Variants in SKP2 observed in about 807,000 individuals in gnomAD.
SKP2 encodes S-phase kinase associated protein 2, also known as S-phase kinase-associated protein 2.
A neutral mutation model predicts 51.8 loss-of-function variants in SKP2; 16 were observed. That is an observed-to-expected ratio of 0.31 (90% CI 0.21 to 0.47). SKP2 has a LOEUF of 0.47. Among genes scored for constraint, SKP2 ranks in the 20% least tolerant of loss-of-function variants. The pLI is 1.00. For missense variants in SKP2, 377 were observed against 505.3 expected, an observed-to-expected ratio of 0.75 and a Z score of 2.43; for synonymous variants, 176 against 198.6, an observed-to-expected ratio of 0.89 and a Z score of 0.96.
In SKP2 at chr5:36,183,008, A is replaced by G; in HGVS notation, c.*977A>G. 3.2e-6 allele frequency: 3 copies of G among 948,608 alleles called. No homozygotes were observed. The highest frequency in any genetic ancestry group is 3.8e-6 in the Non-Finnish European group (3 of 797,318). The allele number at this position is 948,608 out of a possible 1,614,324, so 58.8% of individuals were successfully genotyped here. On this transcript the variant is annotated 3_prime_UTR_variant, in exon 10 of 10. Transcript: ENST00000274255. ...ATTTTAAATTGTATTTTTTTTTTAA[A>G]TGATCTCTCAGCAATAATTGTTTGA...
At chr5:36,157,340 A>G (rs1744983028) in intron 2 of SKP2, among the ~76,000 whole-genome samples, 1 of 152,084 alleles carries the variant, frequency 6.6e-6, no homozygotes, top group Admixed American at 6.6e-5. Context: ...TTGTTTCTTC[A>G]TTACACCCCC....
chr5:36,173,902 A>G (rs1745551718), intron 7 of SKP2, among the ~76,000 whole-genome samples: 1 of 152,226 alleles, frequency 6.6e-6, no homozygotes, highest in African/African-American at 2.4e-5. Context: ...CCACTCTGCC[A>G]TTTACTGGGT....
chr5:36,186,790 A>G (rs568355616), downstream of SKP2, among the ~76,000 whole-genome samples: 47 of 151,930 alleles, frequency 3.1e-4, no homozygotes, highest in Non-Finnish European at 6.0e-4. Flanking sequence ...CTCTTTTTCT[A>G]TTGATTGGAA....
Position 36,178,441 on chromosome 5 carries a change from A to G in SKP2, c.1061+1149A>G, listed in dbSNP as rs1284928118. On this transcript the variant is annotated intron_variant, in intron 9 of 9. Coordinates refer to ENST00000274255, the MANE Select transcript of SKP2 (RefSeq NM_005983.4). ...ACGCATTTTAATTAATCATTTTTAAATTAATCTTGGGGTTCAGGGTCTGAG... is the reference window on the plus strand; with the variant it reads ...ACGCATTTTAATTAATCATTTTTAAGTTAATCTTGGGGTTCAGGGTCTGAG... Among the ~76,000 whole-genome samples the G allele has an allele frequency of 3.3e-5, 5 of 152,288 alleles. No individual in the cohort carries two copies. In the East Asian group the frequency reaches 9.6e-4, roughly 29 times the overall value.
intron 8 of SKP2, 23 bp from the exon 9 acceptor site, chr5:36,177,162 C>T (rs771425742): frequency 2.0e-6 from 3 of 1,509,612 alleles, no homozygotes; most frequent in Non-Finnish European, 2.8e-6. Flanking sequence ...TTTTCAATAT[C>T]TTTTCTTCTG....
Position 36,176,971 on chromosome 5 carries a change from C to A in SKP2, c.908C>A (p.Ser303Tyr). 1 of 1,593,096 alleles carries A rather than the reference C, an allele frequency of 6.3e-7. No individual in the cohort carries two copies. Residue 303 changes from serine (S) to tyrosine (Y), a missense_variant, in exon 8 of 10, where the codon TCT (serine) becomes TAT (tyrosine). Transcript: ENST00000274255. ...YRKNLQKSDL[S>Y]TLVRRCPNLV... is the part of the protein sequence containing the mutation. ...GTTTTTTTGCTTTTCCTAGATCTCT[C>A]TACTTTAGTTAGAAGATGCCCCAAT...
intron 6 of SKP2, among the ~76,000 whole-genome samples, chr5:36,190,249 C>T (rs368184919): frequency 6.6e-4 from 101 of 152,100 alleles, no homozygotes; most frequent in African/African-American, 2.3e-3. Flanking sequence ...TCCGACACCC[C>T]CAGTGAGACG....
At chr5:36,184,507 T>C (rs2112020760), downstream of SKP2, among the ~76,000 whole-genome samples, 2 of 152,178 alleles carry the variant, frequency 1.3e-5, no homozygotes, top group Non-Finnish European at 2.9e-5. Flanking sequence ...TGAGAACATG[T>C]GGTGTTTGGT....
Position 36,160,831 on chromosome 5 carries a change from G to A in SKP2, c.281-2814G>A, listed in dbSNP as rs566253233. Among the ~76,000 whole-genome samples, 19 of 152,274 alleles carry A rather than the reference G, an allele frequency of 1.2e-4. No individual in the cohort carries two copies. The South Asian group carries it at 1.5e-3, about 12-fold the overall frequency. On this transcript the variant is annotated intron_variant, in intron 2 of 9. Coordinates refer to ENST00000274255, the MANE Select transcript of SKP2 (RefSeq NM_005983.4). Reference sequence around the variant, plus strand: ...GCAGTGATGGAACAGCTGCCACGTCGAGGAGCCTCCTCACAACCTCCAGCT... The same window carrying A: ...GCAGTGATGGAACAGCTGCCACGTCAAGGAGCCTCCTCACAACCTCCAGCT...
At chr5:36,192,151 T>C (rs1282142600) in intron 6 of SKP2, among the ~76,000 whole-genome samples, 2 of 152,216 alleles carry the variant, frequency 1.3e-5, no homozygotes, top group African/African-American at 2.4e-5. Context: ...AAACTCTTCA[T>C]ACCTTAATGT....
At chr5:36,179,435 TGG>T (rs550519153) in intron 9 of SKP2, among the ~76,000 whole-genome samples, 9 of 152,300 alleles carry the variant, frequency 5.9e-5, no homozygotes, top group African/African-American at 2.2e-4. Context: ...TTAAAATACT[TGG>T]GAAACTATAA....
chr5:36,175,625 T>C (rs1385506321), intron 7 of SKP2, among the ~76,000 whole-genome samples: 1 of 151,942 alleles, frequency 6.6e-6, no homozygotes, highest in Admixed American at 6.6e-5. Flanking sequence ...CTTTTTTTTT[T>C]CTTCTCTCTT....
Position 36,183,506 on chromosome 5 carries a change from A to G in SKP2, c.*1475A>G. ...ATGGTCTCAATCTCCTGACCTCATG[A>G]TCCGCCCGTCTTGGCCTCCCAAAGT... On this transcript the variant is annotated 3_prime_UTR_variant, in exon 10 of 10. Transcript: ENST00000274255. The G allele has an allele frequency of 1.7e-6, 1 of 594,710 alleles. No homozygotes were observed. The highest frequency in any genetic ancestry group is 2.1e-6 in the Non-Finnish European group (1 of 471,958). The allele number at this position is 594,710 out of a possible 1,614,324, so 36.8% of individuals were successfully genotyped here. A position where few individuals can be genotyped will look rare whatever the true frequency, so the allele number is the denominator to read the frequency against.
rs367736268 is a variant in SKP2, at chr5:36,168,433, G to A, written c.657G>A (p.Ser219=). ...TAAGCCTGGAAGGCCTGCGGCTTTCGGATCCCATTGTCAAGTGAGTGGCAG... is the reference window on the plus strand; with the variant it reads ...TAAGCCTGGAAGGCCTGCGGCTTTCAGATCCCATTGTCAAGTGAGTGGCAG... ...QNLSLEGLRL[S]DPIVNTLAKN... The change falls in exon 5 of 10, where the codon TCG becomes TCA. Residue 219 remains serine, a synonymous_variant. Coordinates refer to ENST00000274255, the MANE Select transcript of SKP2 (RefSeq NM_005983.4). The A allele has an allele frequency of 2.4e-5, 39 of 1,614,172 alleles. No individual in the cohort carries two copies. Among genetic ancestry groups the A allele is most frequent in the South Asian group, 4.4e-5 (4 of 91,084 alleles).
intron 2 of SKP2, among the ~76,000 whole-genome samples, chr5:36,162,714 G>A (rs1036351658): frequency 6.6e-6 from 1 of 152,138 alleles, no homozygotes; most frequent in African/African-American, 2.4e-5. Context: ...GGTAAACTGT[G>A]CCTTTTGTAA....
At chr5:36,191,392 C>CTTTT (rs201765544) in intron 6 of SKP2, among the ~76,000 whole-genome samples, 1 of 122,138 alleles carries the variant, frequency 8.2e-6, no homozygotes, top group African/African-American at 2.8e-5. Context: ...TCATCAAGTT[C>CTTTT]TTTTTTTTTT....
At chr5:36,191,651 G>A (rs1167133813) in intron 6 of SKP2, among the ~76,000 whole-genome samples, 1 of 152,024 alleles carries the variant, frequency 6.6e-6, no homozygotes, top group Non-Finnish European at 1.5e-5. Flanking sequence ...CATCCACAAT[G>A]TGCAGGATAC....
In SKP2 at chr5:36,166,671, GA is replaced by G. The variant is rs1745297784; in HGVS notation, c.536+14del. On this transcript the variant is annotated intron_variant, in intron 4 of 9. Transcript: ENST00000274255. ...TTGGCTGAACATTTCAGGTAAAGAT[GA>G]AAAATCCCTGGAAAAGACTATTTCT... 1 of 1,600,292 alleles carries G rather than the reference GA, an allele frequency of 6.2e-7. No homozygotes were observed. Among genetic ancestry groups the G allele is most frequent in the Non-Finnish European group, 8.5e-7 (1 of 1,170,728 alleles).
intron 4 of SKP2, among the ~76,000 whole-genome samples, chr5:36,167,944 C>T (rs779324519): frequency 4.6e-5 from 7 of 151,942 alleles, no homozygotes; most frequent in African/African-American, 7.2e-5. Flanking sequence ...CTTTCTCTTC[C>T]GCTACCTTCC....
Sources: allele counts gnomAD v4.1 joint callset (sites outside exome capture counted in the v4.1 genomes callset), GRCh38; gene constraint gnomAD v4.1.1; transcripts MANE v1.5; gene names NCBI Gene and HGNC (gene_info 2026-07-23, HGNC 2026-07-21).